Variants in ZNF746 observed in about 807,000 individuals in gnomAD.
The protein encoded by ZNF746 is zinc finger protein 746.
ZNF746 carries 13 observed loss-of-function variants against 41.0 expected under a neutral mutation model. That is an observed-to-expected ratio of 0.32 (90% confidence interval 0.21 to 0.50). ZNF746 has a LOEUF of 0.50. Among genes scored for constraint, ZNF746 ranks in the 20% least tolerant of loss-of-function variants. The pLI, the probability that ZNF746 is intolerant of heterozygous loss-of-function variation, is 0.98. For missense variants in ZNF746, 811 were observed against 922.9 expected, an observed-to-expected ratio of 0.88 and a Z score of 1.57; for synonymous variants, 424 against 396.2, an observed-to-expected ratio of 1.07 and a Z score of -0.83.
intron 3 of ZNF746, 46 bp downstream of exon 3, chr7:149,493,943 G>A (rs760595129): frequency 2.4e-5 from 39 of 1,613,994 alleles, no homozygotes; most frequent in East Asian, 4.5e-5. Context: ...GAATTCTGAG[G>A]ACTTGCAAAA....
Position 149,497,442 on chromosome 7 carries a change from C to T in ZNF746, c.24+71G>A. Reference sequence around the variant, plus strand: ...CGGAACCCCTCCCCAGGGCCTGCGGCGCCGTGTGCCGGGGCCGGGCCGCCT... The same window carrying T: ...CGGAACCCCTCCCCAGGGCCTGCGGTGCCGTGTGCCGGGGCCGGGCCGCCT... On this transcript the variant is annotated intron_variant, in intron 1 of 6. Coordinates refer to ENST00000458143, the MANE Select transcript of ZNF746 (RefSeq NM_001394198.1). The surrounding 1 kb of genome is among the most constrained non-coding windows in gnomAD (Gnocchi z 4.2). 6 of 1,054,776 alleles carry T rather than the reference C, an allele frequency of 5.7e-6. No homozygotes were observed. Among genetic ancestry groups the T allele is most frequent in the Non-Finnish European group, 5.7e-6 (5 of 875,798 alleles). 65.3% of individuals were successfully genotyped at this position (1,054,776 alleles called of 1,614,324 possible). A position where few individuals can be genotyped will look rare whatever the true frequency, so the allele number is the denominator to read the frequency against.
chr7:149,487,952 A>AT (rs1264863265), intron 4 of ZNF746: 1 of 152,164 alleles, frequency 6.6e-6, no homozygotes, highest in East Asian at 1.9e-4. Context: ...AGAATAGCCA[A>AT]GACAGTTTTT....
Position 149,494,160 on chromosome 7 carries a change from T to C in ZNF746, c.324+44A>G, listed in dbSNP as rs1161261031. ...ACTCGCTCACCCACACGCTCACGGG[T>C]TTGGCCGCTTGGGCTCCCACACCCC... On this transcript the variant is annotated intron_variant, in intron 2 of 6. Coordinates refer to ENST00000458143, the MANE Select transcript of ZNF746 (RefSeq NM_001394198.1). This position sits in a 1 kb window ranked among gnomAD's most constrained non-coding sequence, Gnocchi z 5.6. 2 of 1,613,690 alleles carry C rather than the reference T, an allele frequency of 1.2e-6. No individual in the cohort carries two copies. Among genetic ancestry groups the C allele is most frequent in the Admixed American group, 3.3e-5 (2 of 59,990 alleles).
chr7:149,480,426 T>G (rs184564052), intron 4 of ZNF746, among the ~76,000 whole-genome samples: 1 of 151,522 alleles, frequency 6.6e-6, no homozygotes, highest in Admixed American at 6.5e-5. Flanking sequence ...ACTGTTGTTT[T>G]GTTTGTTTGT....
chr7:149,492,771 C>G (rs1800846512), intron 4 of ZNF746, 88 bp downstream of exon 4: 2 of 932,804 alleles, frequency 2.1e-6, no homozygotes, highest in Non-Finnish European at 1.7e-6. Context: ...CCTCGACTCT[C>G]TCTGGAAAGA....
chr7:149,486,720 C>A (rs181844978), intron 4 of ZNF746, among the ~76,000 whole-genome samples: 6 of 152,202 alleles, frequency 3.9e-5, no homozygotes, highest in African/African-American at 1.4e-4. Context: ...AGGCAAGGGA[C>A]TCTATTTCTG....
chr7:149,493,809 G>C (rs1443829176), intron 3 of ZNF746, among the ~76,000 whole-genome samples, 180 bp downstream of exon 3: 1 of 152,124 alleles, frequency 6.6e-6, no homozygotes, highest in Non-Finnish European at 1.5e-5. Context: ...CTCAACACAG[G>C]GAGAAGGGAG....
chr7:149,487,581 T>TA (rs1800666062), intron 4 of ZNF746: 1 of 152,146 alleles, frequency 6.6e-6, no homozygotes, highest in South Asian at 2.1e-4. Flanking sequence ...ATTATCTACA[T>TA]AAAAAATCCA....
rs949754122 is a variant in ZNF746 at position 149,496,717 on chromosome 7, C to A, written c.24+796G>T. 6 of 640,462 alleles carry A rather than the reference C, an allele frequency of 9.4e-6. No homozygotes were observed. The African/African-American group carries it at 1.2e-4, about 13-fold the overall frequency. The allele number at this position is 640,462 out of a possible 1,614,324, so 39.7% of individuals were successfully genotyped here. A position where few individuals can be genotyped will look rare whatever the true frequency, so the allele number is the denominator to read the frequency against. On this transcript the variant is annotated intron_variant, in intron 1 of 6. Transcript: ENST00000458143. ...ATCACAGAGGCGCAGAGCATCAGGC[C>A]AGGAGGGGTGGACAGCGGTACCAAG... is the stretch of plus-strand genomic sequence containing the variant.
intron 4 of ZNF746, among the ~76,000 whole-genome samples, chr7:149,481,117 T>C (rs921192777): frequency 6.6e-6 from 1 of 152,194 alleles, no homozygotes; most frequent in Non-Finnish European, 1.5e-5. Flanking sequence ...GGAATCCTGA[T>C]TGGACTGATG....
chr7:149,496,706 G>C, intron 1 of ZNF746: 1 of 542,316 alleles, frequency 1.8e-6, no homozygotes, highest in Non-Finnish European at 2.4e-6. Context: ...CAGAGGCGCA[G>C]AGCATCAGGC....
chr7:149,474,150 A>C lies in ZNF746; in HGVS notation c.*234T>G. The stretch of plus-strand genomic sequence containing the variant: ...AAAACAAAAAACAAAACAGGTTTGC[A>C]ATTAAATTACTTAAAATTCTACGGC... On this transcript the variant is annotated 3_prime_UTR_variant, in exon 7 of 7. Coordinates refer to ENST00000458143, the MANE Select transcript of ZNF746 (RefSeq NM_001394198.1). This position sits in a 1 kb window ranked among gnomAD's most constrained non-coding sequence, Gnocchi z 6.3. 5.5e-6 allele frequency: 3 copies of C among 546,366 alleles called. No homozygotes were observed. Among genetic ancestry groups the C allele is most frequent in the Non-Finnish European group, 6.4e-6 (2 of 312,318 alleles). 33.8% of individuals were successfully genotyped at this position (546,366 alleles called of 1,614,324 possible).
chr7:149,475,322 C>T lies in ZNF746; in HGVS notation c.1045G>A (p.Gly349Ser), dbSNP rs999996561. The T allele has an allele frequency of 6.2e-7, 1 of 1,614,074 alleles. No individual in the cohort carries two copies. Among genetic ancestry groups the T allele is most frequent in the Non-Finnish European group, 8.5e-7 (1 of 1,180,002 alleles). The change falls in exon 7 of 7, where the codon GGC (glycine) becomes AGC (serine). Residue 349 changes from glycine (G) to serine (S), a missense_variant. Gly to Ser is a moderately conservative substitution (Grantham distance 56). This residue lies in a region of ZNF746 where 495 missense variants were observed against 481.6 expected (regional missense o/e 1.03). Coordinates refer to ENST00000458143, the MANE Select transcript of ZNF746 (RefSeq NM_001394198.1). ...PAQEGAWESQ[G>S]SSFPSQDPVL... is the part of the protein sequence containing the mutation. The stretch of plus-strand genomic sequence containing the variant: ...GGGTCCTGGCTGGGGAAGGAGCTGC[C>T]CTGGCTTTCCCAGGCTCCTTCCTGG...
In ZNF746 at chr7:149,474,310, T is replaced by C; in HGVS notation, c.*74A>G. On this transcript the variant is annotated 3_prime_UTR_variant, in exon 7 of 7. Transcript: ENST00000458143. The surrounding 1 kb of genome is among the most constrained non-coding windows in gnomAD (Gnocchi z 6.3). ...CCCCGTCCCGCGTCTGCCTGAAGCT[T>C]CCACGCCGCCCTGCTGCCTGCACAC... The C allele has an allele frequency of 6.5e-7, 1 of 1,527,650 alleles. No individual in the cohort carries two copies. Among genetic ancestry groups the C allele is most frequent in the East Asian group, 2.4e-5 (1 of 40,924 alleles). 94.6% of individuals were successfully genotyped at this position (1,527,650 alleles called of 1,614,324 possible).
chr7:149,474,769 C>T lies in ZNF746; in HGVS notation c.1598G>A (p.Arg533His). The change falls in exon 7 of 7, where the codon CGT (arginine) becomes CAT (histidine). Residue 533 changes from arginine (R) to histidine (H), a missense_variant. Around this residue, in one of 4 missense-constraint regions of ZNF746, gnomAD observed 70 missense variants for 127.6 expected, o/e 0.55. Coordinates refer to ENST00000458143, the MANE Select transcript of ZNF746 (RefSeq NM_001394198.1). This position sits in a 1 kb window ranked among gnomAD's most constrained non-coding sequence, Gnocchi z 6.3. Reference sequence around the variant, plus strand: ...GAGGTGCGCGGGGCGCGTGAAGCAACGGCCGCACTCCCCACACCGAAGGGC... The same window carrying T: ...GAGGTGCGCGGGGCGCGTGAAGCAATGGCCGCACTCCCCACACCGAAGGGC... ...GSALRCGECG[R>H]CFTRPAHLIR... 4 of 1,572,354 alleles carry T rather than the reference C, an allele frequency of 2.5e-6. No homozygotes were observed. The highest frequency in any genetic ancestry group is 3.4e-6 in the Non-Finnish European group (4 of 1,163,814).
rs1193313057 is a variant in ZNF746 at position 149,477,950 on chromosome 7, G to C, written c.566-195C>G. 1.7e-5 allele frequency: 8 copies of C among 477,572 alleles called. No homozygotes were observed. In the South Asian group the frequency reaches 3.0e-4, roughly 18 times the overall value. 29.6% of individuals were successfully genotyped at this position (477,572 alleles called of 1,614,324 possible). On this transcript the variant is annotated intron_variant, in intron 4 of 6. Coordinates refer to ENST00000458143, the MANE Select transcript of ZNF746 (RefSeq NM_001394198.1). ...TGAGGTCACATGGTATTGGGAATGCGGGTAGGGTAGGAAAGGCTGAGGCGG... is the reference window on the plus strand; with the variant it reads ...TGAGGTCACATGGTATTGGGAATGCCGGTAGGGTAGGAAAGGCTGAGGCGG...
chr7:149,482,844 C>G (rs146495573), intron 4 of ZNF746, among the ~76,000 whole-genome samples: 1 of 152,270 alleles, frequency 6.6e-6, no homozygotes, highest in East Asian at 1.9e-4. Flanking sequence ...GAGAAATGAA[C>G]AAATCCATCT....
chr7:149,483,494 C>G (rs1312694034), intron 4 of ZNF746, among the ~76,000 whole-genome samples: 1 of 152,004 alleles, frequency 6.6e-6, no homozygotes, highest in Non-Finnish European at 1.5e-5. Flanking sequence ...GTAGTCCCAG[C>G]TACTCGGGAG....
intron 6 of ZNF746, among the ~76,000 whole-genome samples, chr7:149,475,707 A>G (rs368259194): frequency 6.6e-6 from 1 of 152,166 alleles, no homozygotes; most frequent in East Asian, 1.9e-4. Flanking sequence ...ACAAGCCACC[A>G]TATCTGCTCC....
Sources: allele counts gnomAD v4.1 joint callset (sites outside exome capture counted in the v4.1 genomes callset), GRCh38; gene constraint gnomAD v4.1.1; regional missense constraint gnomAD v4.1.1; non-coding constraint Gnocchi (gnomAD v3.1); transcripts MANE v1.5; gene names NCBI Gene and HGNC (gene_info 2026-07-23, HGNC 2026-07-21).